DNAH14: variants seen among roughly 807,000 people sequenced by gnomAD.
DNAH14 encodes the protein axonemal beta dynein heavy chain 14.
A neutral mutation model predicts 520.9 loss-of-function variants in DNAH14; 478 were observed. That is an observed-to-expected ratio of 0.92 (90% CI 0.85 to 0.99). DNAH14 has a LOEUF of 0.99. Ranked by LOEUF, DNAH14 falls within the 50% of genes least tolerant of loss-of-function variation. DNAH14 has a pLI of 0.00. For synonymous variants in DNAH14, 1,581 were observed against 1,757.2 expected, an observed-to-expected ratio of 0.90 and a Z score of 2.51; for missense variants, 4,831 against 5,234.5, an observed-to-expected ratio of 0.92 and a Z score of 2.38.
chr1:225,354,868 T>C (rs2095412715), intron 73 of DNAH14, among the ~76,000 whole-genome samples: 2 of 152,212 alleles, frequency 1.3e-5, no homozygotes. Context: ...ATTTCTGCCT[T>C]AAACTTTATT....
chr1:225,040,324 A>C (rs2067362110), intron 12 of DNAH14, among the ~76,000 whole-genome samples: 5 of 152,226 alleles, frequency 3.3e-5, no homozygotes, highest in Admixed American at 3.3e-4. Context: ...CATATACAAC[A>C]TACACACTAT....
chr1:225,334,438 G>C (rs2094869269), intron 66 of DNAH14, among the ~76,000 whole-genome samples: 1 of 152,210 alleles, frequency 6.6e-6, no homozygotes, highest in Non-Finnish European at 1.5e-5. Context: ...CAAGGCTGCA[G>C]TGAGCTATGA....
intron 61 of DNAH14, among the ~76,000 whole-genome samples, chr1:225,322,085 CTTTTTTTTTTTTTT>C: frequency 1.1e-5 from 1 of 90,170 alleles, no homozygotes; most frequent in African/African-American, 4.2e-5. Context: ...TTTTTTCTTT[CTTTTTTTTTTTTTT>C]TTTTTTTTTG....
chr1:224,952,532 A>G (rs965366035), intron 1 of DNAH14, 138 bp from the exon 2 acceptor site: 1 of 433,310 alleles, frequency 2.3e-6, no homozygotes, highest in Non-Finnish European at 4.1e-6. Flanking sequence ...TATACTGTAT[A>G]TAAGAAACAA....
intron 64 of DNAH14, among the ~76,000 whole-genome samples, chr1:225,331,200 TA>T (rs75255257): frequency 0.064 from 9,666 of 150,586 alleles, 350 homozygotes; most frequent in African/African-American, 0.087. Flanking sequence ...GCTAGGATTG[TA>T]AAAAAAAAGC....
Position 225,159,299 on chromosome 1 carries a change from C to T in DNAH14, c.5274-15C>T, listed in dbSNP as rs1467646175. ...CTAATTTGTTCTCTGTGTTTGTTTTCTTCTACCATTGAAGTGATACCAGTG... is the reference window on the plus strand; with the variant it reads ...CTAATTTGTTCTCTGTGTTTGTTTTTTTCTACCATTGAAGTGATACCAGTG... On this transcript the variant is annotated splice_polypyrimidine_tract_variant and intron_variant, in intron 34 of 85. Transcript: ENST00000682510. 5.8e-6 allele frequency: 9 copies of T among 1,547,258 alleles called. No individual in the cohort carries two copies. The highest frequency in any genetic ancestry group is 7.0e-6 in the Non-Finnish European group (8 of 1,144,658).
At chr1:224,975,277 A>G (rs1199785360) in intron 8 of DNAH14, among the ~76,000 whole-genome samples, 1 of 152,132 alleles carries the variant, frequency 6.6e-6, no homozygotes, top group Non-Finnish European at 1.5e-5. Flanking sequence ...TTTTCTATTG[A>G]TTGGAATAGT....
intron 15 of DNAH14, among the ~76,000 whole-genome samples, chr1:225,048,640 G>T (rs1313733514): frequency 6.6e-6 from 1 of 152,070 alleles, no homozygotes; most frequent in Non-Finnish European, 1.5e-5. Context: ...TCCAGTTTGG[G>T]GAAATTATAT....
chr1:225,078,929 G>A (rs1354664790), intron 17 of DNAH14, among the ~76,000 whole-genome samples: 1 of 141,956 alleles, frequency 7.0e-6, no homozygotes, highest in Non-Finnish European at 1.5e-5. Flanking sequence ...AGATGTGCTT[G>A]CTTCCCTTTC....
At chr1:225,192,255 T>C (rs193298683) in intron 37 of DNAH14, among the ~76,000 whole-genome samples, 67 of 152,258 alleles carry the variant, frequency 4.4e-4, no homozygotes, top group Non-Finnish European at 6.9e-4. Flanking sequence ...TTTTTCTGCC[T>C]GACATCTGAG....
At chr1:225,171,428 T>C (rs2082648148) in intron 36 of DNAH14, among the ~76,000 whole-genome samples, 1 of 151,950 alleles carries the variant, frequency 6.6e-6, no homozygotes. Flanking sequence ...TAAAAAATGA[T>C]AAAGGGGATA....
At chr1:225,318,469 C>T (rs1223825585) in intron 60 of DNAH14, 114 bp from the exon 61 acceptor site, 9 of 937,348 alleles carry the variant, frequency 9.6e-6, no homozygotes, top group Non-Finnish European at 1.4e-5. Context: ...AGATGCATAA[C>T]TTATGGGCAT....
At chr1:225,161,992 C>T (rs2081562365) in intron 35 of DNAH14, among the ~76,000 whole-genome samples, 1 of 152,140 alleles carries the variant, frequency 6.6e-6, no homozygotes, top group Non-Finnish European at 1.5e-5. Context: ...CTTTGCTGTG[C>T]AGAAGCTTTT....
intron 77 of DNAH14, among the ~76,000 whole-genome samples, chr1:225,371,485 C>T (rs1048368127): frequency 4.6e-5 from 7 of 152,042 alleles, no homozygotes; most frequent in African/African-American, 1.4e-4. Context: ...CATAGTCAAA[C>T]ACTGAAATTG....
At chr1:224,958,862 A>C (rs577863685) in intron 3 of DNAH14, among the ~76,000 whole-genome samples, 1 of 152,094 alleles carries the variant, frequency 6.6e-6, no homozygotes, top group Non-Finnish European at 1.5e-5. Flanking sequence ...TGACCAGGCA[A>C]TTGGTACTTA....
At chr1:224,981,519 T>C (rs1351835698) in intron 8 of DNAH14, among the ~76,000 whole-genome samples, 2 of 152,056 alleles carry the variant, frequency 1.3e-5, no homozygotes, top group African/African-American at 2.4e-5. Flanking sequence ...GCTAGAAGGG[T>C]TGTATTTTTC....
intron 77 of DNAH14, among the ~76,000 whole-genome samples, chr1:225,369,370 T>C (rs1421905473): frequency 6.6e-6 from 1 of 151,888 alleles, no homozygotes; most frequent in Non-Finnish European, 1.5e-5. Flanking sequence ...GAAGAAATTT[T>C]GAAATTATCA....
At chr1:225,366,810 T>TCCC (rs35955628) in intron 76 of DNAH14, among the ~76,000 whole-genome samples, 9 of 151,876 alleles carry the variant, frequency 5.9e-5, no homozygotes, top group African/African-American at 1.7e-4. Context: ...CCTCCTCTTT[T>TCCC]CCCCGAGAAG....
At chr1:225,305,893 T>C (rs1215003461) in intron 58 of DNAH14, among the ~76,000 whole-genome samples, 2 of 152,254 alleles carry the variant, frequency 1.3e-5, no homozygotes, top group Admixed American at 1.3e-4. Flanking sequence ...TCCATTCCAT[T>C]TGCCATAGGG....
Sources: gnomAD v4.1 joint callset for allele counts (sites outside exome capture counted in the v4.1 genomes callset) on GRCh38, gnomAD v4.1.1 for gene constraint, MANE v1.5 for transcripts, NCBI Gene and HGNC (gene_info 2026-07-23, HGNC 2026-07-21) for gene names.